The following KANSL1 variants were observed in gnomAD, a reference collection of about 807,000 sequenced individuals.
The protein encoded by KANSL1 is MLL1/MLL complex subunit KANSL1.
Under a neutral mutation model 103.6 loss-of-function variants are expected in KANSL1, and 22 were observed. The ratio of observed to expected loss-of-function variants is 0.21; its 90% CI spans 0.15 to 0.30. KANSL1 has a LOEUF of 0.30. KANSL1 is among the 10% of genes least tolerant of loss of function. The pLI is 1.00. For synonymous variants in KANSL1, 600 were observed against 527.6 expected, an observed-to-expected ratio of 1.14 and a Z score of -1.88; for missense variants, 1,337 against 1,399.8, an observed-to-expected ratio of 0.96 and a Z score of 0.72.
chr17:46,098,535 T>C (rs2042175271), intron 2 of KANSL1, among the ~76,000 whole-genome samples: 1 of 152,262 alleles, frequency 6.6e-6, no homozygotes, highest in Non-Finnish European at 1.5e-5. Flanking sequence ...ACACTTTTTC[T>C]TGGATATTAA....
chr17:46,089,815 G>A (rs1366265321), intron 3 of KANSL1, among the ~76,000 whole-genome samples: 1 of 152,156 alleles, frequency 6.6e-6, no homozygotes, highest in Non-Finnish European at 1.5e-5. Flanking sequence ...CTTGAAAATC[G>A]TGAATGAGAG....
intron 2 of KANSL1, among the ~76,000 whole-genome samples, chr17:46,106,828 G>GAGATATGGA (rs2042587535): frequency 2.0e-5 from 3 of 152,092 alleles, no homozygotes; most frequent in Admixed American, 2.0e-4. Context: ...TGGTAAAAAG[G>GAGATATGGA]AACAAAACAA....
intron 2 of KANSL1, among the ~76,000 whole-genome samples, chr17:46,138,542 G>T (rs1273306584): frequency 6.6e-6 from 1 of 152,184 alleles, no homozygotes; most frequent in Non-Finnish European, 1.5e-5. Context: ...GAAGTTCGTG[G>T]AACAAGTCAT....
At chr17:46,096,314 T>TTTTTTTC (rs1555760899) in intron 2 of KANSL1, among the ~76,000 whole-genome samples, 2 of 74,570 alleles carry the variant, frequency 2.7e-5, no homozygotes, top group African/African-American at 6.6e-5. Context: ...TTTTTTTCTT[T>TTTTTTTC]TTTTTTTTTT....
At chr17:46,035,807 A>T (rs1300179550) in intron 10 of KANSL1, 3 of 152,144 alleles carry the variant, frequency 2.0e-5, no homozygotes, top group Non-Finnish European at 4.4e-5. Context: ...GCTTGTTGTT[A>T]GTACCTTCGA....
intron 1 of KANSL1, among the ~76,000 whole-genome samples, chr17:46,188,807 G>T (rs930831659): frequency 2.0e-5 from 3 of 152,018 alleles, no homozygotes; most frequent in African/African-American, 7.3e-5. Flanking sequence ...GAGGTGGGTG[G>T]ATCACCTGAG....
chr17:46,077,363 T>G (rs2146770540), intron 4 of KANSL1, among the ~76,000 whole-genome samples: 1 of 152,162 alleles, frequency 6.6e-6, no homozygotes, highest in Non-Finnish European at 1.5e-5. Context: ...TACAATATTT[T>G]TAGGATATAT....
chr17:46,159,515 C>A (rs921779696), intron 2 of KANSL1, among the ~76,000 whole-genome samples: 1 of 152,200 alleles, frequency 6.6e-6, no homozygotes, highest in Non-Finnish European at 1.5e-5. Flanking sequence ...CAAATACAGA[C>A]TAAGTAGATG....
chr17:46,108,930 A>G (rs997502963), intron 2 of KANSL1, among the ~76,000 whole-genome samples: 1 of 152,184 alleles, frequency 6.6e-6, no homozygotes. Context: ...CAAAGTGAAA[A>G]CTACTAACAA....
intron 3 of KANSL1, among the ~76,000 whole-genome samples, chr17:46,086,816 CTGGT>C (rs1370824061): frequency 6.6e-6 from 1 of 152,108 alleles, no homozygotes; most frequent in Non-Finnish European, 1.5e-5. Flanking sequence ...AAAAATTAGC[CTGGT>C]GTAATATCAC....
chr17:46,225,282 C>G (rs2048651885), upstream of KANSL1: 1 of 152,526 alleles, frequency 6.6e-6, no homozygotes, highest in Non-Finnish European at 1.5e-5. Flanking sequence ...CTGGCCCACT[C>G]GTGCCCCCAC....
At chr17:46,220,146 A>C (rs1300642042) in intron 1 of KANSL1, among the ~76,000 whole-genome samples, 1 of 152,236 alleles carries the variant, frequency 6.6e-6, no homozygotes, top group Non-Finnish European at 1.5e-5. Flanking sequence ...TCTCAGTTAG[A>C]ACCCTTGCCA....
At chr17:46,183,588 A>C (rs947852872) in intron 1 of KANSL1, among the ~76,000 whole-genome samples, 1 of 137,976 alleles carries the variant, frequency 7.2e-6, no homozygotes, top group East Asian at 2.0e-4. Flanking sequence ...AGGAGAGAGG[A>C]GACAGGGGAG....
intron 2 of KANSL1, among the ~76,000 whole-genome samples, chr17:46,160,831 T>G (rs1162703424): frequency 6.6e-6 from 1 of 152,216 alleles, no homozygotes; most frequent in Non-Finnish European, 1.5e-5. Context: ...TTGATTCTGT[T>G]TACACTAAAA....
At chr17:46,080,419 C>T (rs968649535) in intron 4 of KANSL1, among the ~76,000 whole-genome samples, 3 of 149,310 alleles carry the variant, frequency 2.0e-5, no homozygotes, top group Non-Finnish European at 3.0e-5. Context: ...TGAAAACCTA[C>T]AGTTGCCCTC....
At chr17:46,165,272 G>A (rs984949497) in intron 2 of KANSL1, among the ~76,000 whole-genome samples, 5 of 151,856 alleles carry the variant, frequency 3.3e-5, no homozygotes, top group Non-Finnish European at 5.9e-5. Flanking sequence ...TCGCTCTGTC[G>A]CCCAGGCTGG....
chr17:46,045,164 T>C (rs149748973), intron 7 of KANSL1: 3 of 152,288 alleles, frequency 2.0e-5, no homozygotes, highest in African/African-American at 7.2e-5. Flanking sequence ...TTTACTGCTA[T>C]ACAATGATGT....
At chr17:46,220,762 C>T (rs1365906838) in intron 1 of KANSL1, among the ~76,000 whole-genome samples, 1 of 152,248 alleles carries the variant, frequency 6.6e-6, no homozygotes, top group Non-Finnish European at 1.5e-5. Context: ...TCTCAGCTCA[C>T]TGCAAGCTCC....
chr17:46,162,523 C>A (rs1399326870), intron 2 of KANSL1, among the ~76,000 whole-genome samples: 6 of 152,232 alleles, frequency 3.9e-5, no homozygotes, highest in Non-Finnish European at 8.8e-5. Flanking sequence ...AATGTAGTTA[C>A]CCCTGCCAAA....
Sources: gnomAD v4.1 joint callset for allele counts (sites outside exome capture counted in the v4.1 genomes callset) on GRCh38, gnomAD v4.1.1 for gene constraint, MANE v1.5 for transcripts, NCBI Gene and HGNC (gene_info 2026-07-23, HGNC 2026-07-21) for gene names.